Variants in MAPDA observed in about 807,000 individuals in gnomAD.
The protein encoded by MAPDA is N6,N6-dimethyl-AMP deaminase.
At chr15:43,338,073 T>G in the MAPDA span, among the ~76,000 whole-genome samples, 1 of 152,236 alleles carries the variant, frequency 6.6e-6, no homozygotes, top group Admixed American at 6.5e-5. Flanking sequence ...GCAAAATGAT[T>G]AAATTGAAAC....
chr15:43,346,575 A>C, the MAPDA span, among the ~76,000 whole-genome samples: 1 of 152,224 alleles, frequency 6.6e-6, no homozygotes, highest in African/African-American at 2.4e-5. Flanking sequence ...AAAACAGCTG[A>C]ATAAGAGAGT....
At chr15:43,353,116 A>T in the MAPDA span, 1 of 151,964 alleles carries the variant, frequency 6.6e-6, no homozygotes. Flanking sequence ...TCTGAAAGAT[A>T]CCTCTAGTAG....
At chr15:43,337,112 C>CAAA in the MAPDA span, among the ~76,000 whole-genome samples, 4 of 137,664 alleles carry the variant, frequency 2.9e-5, no homozygotes, top group South Asian at 2.3e-4. Flanking sequence ...ACTAAAAATA[C>CAAA]AAAAAAAAAA....
At chr15:43,345,564 C>T in the MAPDA span, among the ~76,000 whole-genome samples, 1 of 152,118 alleles carries the variant, frequency 6.6e-6, no homozygotes, top group Non-Finnish European at 1.5e-5. Flanking sequence ...AAAGTGTGGA[C>T]CTTGTTTGGA....
chr15:43,348,995 G>A, the MAPDA span: 2 of 1,614,188 alleles, frequency 1.2e-6, no homozygotes, highest in Non-Finnish European at 1.7e-6. Context: ...TCCGGTGAGG[G>A]AGGATCCCTG....
At chr15:43,347,086 A>T in the MAPDA span, 2 of 1,612,788 alleles carry the variant, frequency 1.2e-6, no homozygotes, top group Admixed American at 3.3e-5. Flanking sequence ...TTAGCATTGC[A>T]TCTTTCAGAG....
the MAPDA span, among the ~76,000 whole-genome samples, chr15:43,334,122 G>T: frequency 1.3e-5 from 2 of 152,210 alleles, no homozygotes; most frequent in Non-Finnish European, 1.5e-5. Flanking sequence ...TGGGAACATA[G>T]ATGAGGGGAA....
chr15:43,346,092 A>T, the MAPDA span: 1 of 1,384,200 alleles, frequency 7.2e-7, no homozygotes, highest in Non-Finnish European at 1.0e-6. Context: ...CAGACACTCC[A>T]TTCTGTGGAT....
At chr15:43,352,318 G>T in the MAPDA span, 11 of 171,940 alleles carry the variant, frequency 6.4e-5, no homozygotes, top group Non-Finnish European at 1.3e-4. Flanking sequence ...GGTTACTGCC[G>T]AGACCTTTAA....
chr15:43,343,381 G>T, the MAPDA span, among the ~76,000 whole-genome samples: 2 of 152,200 alleles, frequency 1.3e-5, no homozygotes, highest in Non-Finnish European at 2.9e-5. Flanking sequence ...TACTTCAGCA[G>T]CTCATCTAGA....
the MAPDA span, chr15:43,336,780 G>C: frequency 9.7e-7 from 1 of 1,027,498 alleles, no homozygotes; most frequent in Non-Finnish European, 1.4e-6. Flanking sequence ...CTCTCATTAA[G>C]AGTGATGAAA....
chr15:43,335,801 A>G, the MAPDA span: 3 of 1,613,670 alleles, frequency 1.9e-6, no homozygotes, highest in East Asian at 6.7e-5. Context: ...TGTGATTGAC[A>G]AGGGAAAGAA....
At chr15:43,349,181 T>C in the MAPDA span, 3 of 1,460,908 alleles carry the variant, frequency 2.1e-6, no homozygotes, top group Non-Finnish European at 2.7e-6. Flanking sequence ...AGTGTGTGCT[T>C]TCTGAGCCTT....
chr15:43,346,500 T>G, the MAPDA span, among the ~76,000 whole-genome samples: 1 of 152,226 alleles, frequency 6.6e-6, no homozygotes, highest in African/African-American at 2.4e-5. Flanking sequence ...CTCCCAGATA[T>G]GACAACCAAA....
the MAPDA span, chr15:43,353,225 GC>G: frequency 3.9e-5 from 6 of 151,902 alleles, no homozygotes; most frequent in Non-Finnish European, 8.8e-5. Context: ...ACATACTGTG[GC>G]CACTTCAGCT....
the MAPDA span, among the ~76,000 whole-genome samples, chr15:43,348,110 A>G: frequency 3.9e-5 from 6 of 152,272 alleles, no homozygotes; most frequent in Non-Finnish European, 5.9e-5. Flanking sequence ...TCCATTGGAT[A>G]TAAAAGATTT....
the MAPDA span, chr15:43,331,854 G>C: frequency 6.6e-6 from 1 of 152,234 alleles, no homozygotes; most frequent in Non-Finnish European, 1.5e-5. Context: ...CAGGGCAGTG[G>C]CTAAAGAATA....
the MAPDA span, among the ~76,000 whole-genome samples, chr15:43,341,108 T>C: frequency 6.6e-6 from 1 of 152,174 alleles, no homozygotes; most frequent in Non-Finnish European, 1.5e-5. Flanking sequence ...CAGGAGACAT[T>C]GGGGCCCTCT....
At chr15:43,351,775 A>C in the MAPDA span, 1 of 1,549,716 alleles carries the variant, frequency 6.5e-7, no homozygotes, top group Non-Finnish European at 8.7e-7. Context: ...TGTTTTTGCA[A>C]CACACCTTTC....
Sources: allele counts gnomAD v4.1 joint callset (sites outside exome capture counted in the v4.1 genomes callset), GRCh38; gene constraint gnomAD v4.1.1; transcripts MANE v1.5; gene names NCBI Gene and HGNC (gene_info 2026-07-23, HGNC 2026-07-21).